SCRG1: variants seen among roughly 807,000 people sequenced by gnomAD.
SCRG1 encodes the protein scrapie-responsive protein 1.
A neutral mutation model predicts 7.7 loss-of-function variants in SCRG1; 3 were observed. The ratio of observed to expected loss-of-function variants is 0.39; its 90% CI spans 0.18 to 1.01. The LOEUF (loss-of-function observed/expected upper bound fraction) is 1.01, where lower values mean the gene tolerates loss of function less well. Among genes scored for constraint, SCRG1 ranks in the 50% least tolerant of loss-of-function variants. The pLI is 0.36. For missense variants in SCRG1, 110 were observed against 117.2 expected (o/e 0.94, Z 0.28); for synonymous variants, 46 against 41.2 (o/e 1.12, Z -0.44).
At chr4:173,419,669 C>T in the SCRG1 span, 1 of 774,284 alleles carries the variant, frequency 1.3e-6, no homozygotes, top group African/African-American at 1.7e-5. Context: ...AGACAAACCT[C>T]CATCCACAGC....
the SCRG1 span, among the ~76,000 whole-genome samples, chr4:173,517,916 G>A: frequency 6.6e-6 from 1 of 152,242 alleles, no homozygotes; most frequent in Non-Finnish European, 1.5e-5. Flanking sequence ...GAGCGAGTGA[G>A]GAGCTCCTCC....
the SCRG1 span, among the ~76,000 whole-genome samples, chr4:173,415,466 G>T: frequency 6.6e-6 from 1 of 152,204 alleles, no homozygotes; most frequent in East Asian, 1.9e-4. Flanking sequence ...AGCATTTCTT[G>T]CAAAAAGTGG....
the SCRG1 span, among the ~76,000 whole-genome samples, chr4:173,422,997 T>C: frequency 1.3e-5 from 2 of 152,202 alleles, no homozygotes; most frequent in Non-Finnish European, 2.9e-5. Flanking sequence ...GTTTTCTCTT[T>C]GGATGGGTGT....
chr4:173,416,896 T>C, the SCRG1 span, among the ~76,000 whole-genome samples: 1 of 135,580 alleles, frequency 7.4e-6, no homozygotes, highest in Non-Finnish European at 1.5e-5. Flanking sequence ...CATCACATCA[T>C]CACACACACA....
chr4:173,482,138 G>A, the SCRG1 span, among the ~76,000 whole-genome samples: 6 of 152,160 alleles, frequency 3.9e-5, no homozygotes, highest in Admixed American at 2.6e-4. Context: ...GTAATTAGCA[G>A]TTGGGCATAA....
the SCRG1 span, among the ~76,000 whole-genome samples, chr4:173,435,968 A>C: frequency 1.2e-4 from 19 of 152,246 alleles, no homozygotes; most frequent in Admixed American, 2.0e-4. Context: ...AAGGCAGAGA[A>C]ACTGAAGCAG....
chr4:173,401,615 A>G (rs1246113301), upstream of SCRG1, among the ~76,000 whole-genome samples: 1 of 152,224 alleles, frequency 6.6e-6, no homozygotes, highest in East Asian at 1.9e-4. Flanking sequence ...ATATTCAGCA[A>G]CACTGAAATC....
the SCRG1 span, among the ~76,000 whole-genome samples, chr4:173,417,859 G>A: frequency 0.013 from 1,926 of 152,022 alleles, 40 homozygotes; most frequent in African/African-American, 0.043. Context: ...ACACACCTTG[G>A]ACCTGCAAGT....
the SCRG1 span, among the ~76,000 whole-genome samples, chr4:173,450,975 G>C: frequency 6.6e-6 from 1 of 152,108 alleles, no homozygotes; most frequent in South Asian, 2.1e-4. Context: ...AAGTAGGAAG[G>C]GGGAGGAGCT....
At chr4:173,517,666 T>C in the SCRG1 span, among the ~76,000 whole-genome samples, 1 of 152,178 alleles carries the variant, frequency 6.6e-6, no homozygotes, top group South Asian at 2.1e-4. Context: ...TCTTTTCTTT[T>C]AAAAAACTGA....
At chr4:173,492,902 G>A in the SCRG1 span, among the ~76,000 whole-genome samples, 51 of 152,296 alleles carry the variant, frequency 3.3e-4, no homozygotes, top group African/African-American at 1.1e-3. Context: ...AATACAGGGC[G>A]GTGGGGAAAC....
the SCRG1 span, among the ~76,000 whole-genome samples, chr4:173,422,412 T>G: frequency 2.0e-5 from 3 of 152,320 alleles, no homozygotes; most frequent in East Asian, 5.8e-4. Context: ...AGGTCCCTAA[T>G]TATTTAATTA....
the SCRG1 span, among the ~76,000 whole-genome samples, chr4:173,518,852 C>A: frequency 1.1e-4 from 17 of 151,750 alleles, no homozygotes; most frequent in Non-Finnish European, 2.5e-4. Context: ...CCCCCCGCCC[C>A]CTGCTCCCCG....
At chr4:173,482,095 A>G in the SCRG1 span, among the ~76,000 whole-genome samples, 2 of 152,188 alleles carry the variant, frequency 1.3e-5, no homozygotes, top group Non-Finnish European at 2.9e-5. Flanking sequence ...GATCATTATA[A>G]AATTGCTGGA....
the SCRG1 span, among the ~76,000 whole-genome samples, chr4:173,415,117 G>A: frequency 7.9e-5 from 12 of 152,210 alleles, no homozygotes; most frequent in African/African-American, 2.9e-4. Flanking sequence ...TGGAGAGTTG[G>A]CAGAAGGACT....
the SCRG1 span, among the ~76,000 whole-genome samples, chr4:173,481,995 G>A: frequency 5.3e-5 from 8 of 151,598 alleles, no homozygotes; most frequent in Admixed American, 1.3e-4. Flanking sequence ...TTTCCTATCT[G>A]GATTTATGTG....
At chr4:173,434,072 C>T in the SCRG1 span, among the ~76,000 whole-genome samples, 5 of 152,150 alleles carry the variant, frequency 3.3e-5, no homozygotes, top group East Asian at 1.9e-4. Flanking sequence ...TTTTCTCGAC[C>T]GGACCTCGAT....
the SCRG1 span, among the ~76,000 whole-genome samples, chr4:173,472,813 T>C: frequency 5.9e-5 from 9 of 152,314 alleles, no homozygotes; most frequent in Admixed American, 5.9e-4. Context: ...ACACCCAGGG[T>C]AATGTTTGAC....
chr4:173,386,753 A>G lies in SCRG1; in HGVS notation c.*1588T>C, dbSNP rs1180297108. The G allele has an allele frequency of 6.6e-6, 1 of 152,184 alleles. No homozygotes were observed. The highest frequency in any genetic ancestry group is 1.5e-5 in the Non-Finnish European group (1 of 68,022). The allele number at this position is 152,184 out of a possible 1,614,324, so 9.4% of individuals were successfully genotyped here. ...CAAACATTTCCCCACAATACTTTGTATGGCACCCTATACTTCTCTGTAGCA... is the reference window on the plus strand; with the variant it reads ...CAAACATTTCCCCACAATACTTTGTGTGGCACCCTATACTTCTCTGTAGCA... On this transcript the variant is annotated 3_prime_UTR_variant, in exon 3 of 3. Coordinates refer to ENST00000296506, the MANE Select transcript of SCRG1 (RefSeq NM_007281.4).
Sources: gnomAD v4.1 joint callset for allele counts (sites outside exome capture counted in the v4.1 genomes callset) on GRCh38, gnomAD v4.1.1 for gene constraint, MANE v1.5 for transcripts, NCBI Gene and HGNC (gene_info 2026-07-23, HGNC 2026-07-21) for gene names.